Variants in GRIN2A observed in about 807,000 individuals in gnomAD.
The protein encoded by GRIN2A is glutamate ionotropic receptor NMDA type subunit 2A, also known as glutamate receptor ionotropic, NMDA 2A.
Under a neutral mutation model 113.4 loss-of-function variants are expected in GRIN2A, and 22 were observed. The observed-to-expected ratio is 0.19, with a 90% confidence interval of 0.14 to 0.28. The LOEUF (loss-of-function observed/expected upper bound fraction) is 0.28, where lower values mean the gene tolerates loss of function less well. Ranked by LOEUF, GRIN2A falls within the 10% of genes least tolerant of loss-of-function variation. GRIN2A has a pLI of 1.00. For missense variants in GRIN2A, 1,502 were observed against 1,887.0 expected (o/e 0.80, Z 3.78); for synonymous variants, 827 against 738.4 (o/e 1.12, Z -1.94).
At chr16:10,091,008 C>G (rs963105247) in intron 2 of GRIN2A, among the ~76,000 whole-genome samples, 9 of 152,116 alleles carry the variant, frequency 5.9e-5, no homozygotes, top group African/African-American at 2.2e-4. Flanking sequence ...TCCATATACA[C>G]ACTAGAATGA....
At chr16:10,137,701 T>C (rs1070484) in intron 2 of GRIN2A, among the ~76,000 whole-genome samples, 37,788 of 152,160 alleles carry the variant, frequency 0.25, 5,436 homozygotes, top group East Asian at 0.4. Flanking sequence ...CTATTCTGTG[T>C]GAGACACTAT....
chr16:10,023,643 C>T (rs900036199), intron 2 of GRIN2A, among the ~76,000 whole-genome samples: 1 of 152,184 alleles, frequency 6.6e-6, no homozygotes, highest in South Asian at 2.1e-4. Flanking sequence ...TTCCTCTCAT[C>T]TTGGTTCAAT....
At chr16:9,921,983 AATAAT>A (rs1426648460) in intron 3 of GRIN2A, among the ~76,000 whole-genome samples, 124 of 152,366 alleles carry the variant, frequency 8.1e-4, no homozygotes, top group African/African-American at 2.7e-3. Context: ...TGTTACAACT[AATAAT>A]ATATTTTATC....
chr16:9,817,229 C>T (rs140098366), intron 10 of GRIN2A, among the ~76,000 whole-genome samples: 1 of 152,138 alleles, frequency 6.6e-6, no homozygotes, highest in Non-Finnish European at 1.5e-5. Context: ...AGCTCTGTTG[C>T]ACAATGAATA....
intron 2 of GRIN2A, among the ~76,000 whole-genome samples, chr16:10,067,266 A>G (rs923064734): frequency 1.3e-5 from 2 of 152,140 alleles, no homozygotes; most frequent in African/African-American, 4.8e-5. Context: ...CTTTAAATCC[A>G]CATAAAATAC....
Position 9,822,224 on chromosome 16 carries a change from G to A in GRIN2A, c.2168+40C>T, listed in dbSNP as rs200266574. 2.7e-4 allele frequency: 437 copies of A among 1,603,952 alleles called. 1 individual carries two copies. The highest frequency in any genetic ancestry group is 3.5e-4 in the Non-Finnish European group (409 of 1,170,780). On this transcript the variant is annotated intron_variant, in intron 10 of 12. Coordinates refer to ENST00000330684, the MANE Select transcript of GRIN2A (RefSeq NM_001134407.3). ...AGAGTCAATTTCTGTAAGGTTTATC[G>A]CTCGCAGACCTGTGGTGAAAAGGAA...
intron 4 of GRIN2A, among the ~76,000 whole-genome samples, chr16:9,887,432 T>A (rs2043606781): frequency 6.6e-6 from 1 of 152,232 alleles, no homozygotes; most frequent in Non-Finnish European, 1.5e-5. Flanking sequence ...TCACACAATA[T>A]AATCTTTCAT....
Position 9,755,071 on chromosome 16 carries a change from C to T in GRIN2A, c.*8078G>A, listed in dbSNP as rs1482600314. Reference sequence around the variant, plus strand: ...GAATTAACTGGAAGAGGTCATGACCCAGGGCTAATGAAGAATGTTCTAGGA... The same window carrying T: ...GAATTAACTGGAAGAGGTCATGACCTAGGGCTAATGAAGAATGTTCTAGGA... On this transcript the variant is annotated 3_prime_UTR_variant, in exon 13 of 13. Transcript: ENST00000330684. 1.5e-5 allele frequency: 3 copies of T among 199,222 alleles called. No homozygotes were observed. The highest frequency in any genetic ancestry group is 3.1e-5 in the Non-Finnish European group (3 of 96,554). The allele number at this position is 199,222 out of a possible 1,614,324, so 12.3% of individuals were successfully genotyped here. A position where few individuals can be genotyped will look rare whatever the true frequency, so the allele number is the denominator to read the frequency against.
chr16:10,108,936 T>C (rs1346821318), intron 2 of GRIN2A, among the ~76,000 whole-genome samples: 1 of 151,528 alleles, frequency 6.6e-6, no homozygotes, highest in Non-Finnish European at 1.5e-5. Context: ...GAAACATCCT[T>C]TCTGAGAAGA....
intron 2 of GRIN2A, among the ~76,000 whole-genome samples, chr16:10,143,026 AC>A (rs1490708863): frequency 6.6e-6 from 1 of 152,232 alleles, no homozygotes; most frequent in African/African-American, 2.4e-5. Flanking sequence ...AGGATAGATT[AC>A]CTTAATTCTA....
At chr16:10,068,798 G>T (rs184905493) in intron 2 of GRIN2A, among the ~76,000 whole-genome samples, 5 of 152,366 alleles carry the variant, frequency 3.3e-5, no homozygotes, top group Admixed American at 3.3e-4. Context: ...AGGGTGATCA[G>T]GGAATCTGTC....
chr16:9,829,306 T>C, intron 9 of GRIN2A, 117 bp downstream of exon 9: 1 of 691,706 alleles, frequency 1.4e-6, no homozygotes, highest in Non-Finnish European at 2.6e-6. Flanking sequence ...AAAAACCTTC[T>C]GGCTTTTGTG....
chr16:10,134,195 GA>G (rs71402436), intron 2 of GRIN2A, among the ~76,000 whole-genome samples: 8 of 18,248 alleles, frequency 4.4e-4, no homozygotes, highest in African/African-American at 8.2e-4. Context: ...ACTGTTTCCA[GA>G]AAAAAAAAAA....
At chr16:9,898,784 CAG>C (rs1401439664) in intron 3 of GRIN2A, among the ~76,000 whole-genome samples, 7 of 145,274 alleles carry the variant, frequency 4.8e-5, no homozygotes, top group African/African-American at 1.6e-4. Flanking sequence ...TTCATTTTCA[CAG>C]AGTGTTTTTT....
chr16:10,106,212 G>GTTTTTTT (rs71402429), intron 2 of GRIN2A, among the ~76,000 whole-genome samples: 11 of 140,940 alleles, frequency 7.8e-5, no homozygotes, highest in Non-Finnish European at 1.2e-4. Flanking sequence ...TTGGGGAAGT[G>GTTTTTTT]TTTTTTTTTT....
chr16:10,045,412 AT>A (rs35008944), intron 2 of GRIN2A, among the ~76,000 whole-genome samples: 81,146 of 149,482 alleles, frequency 0.54, 22,701 homozygotes, highest in East Asian at 0.94. Context: ...CCTCTTGCAA[AT>A]TTTTTTTTTT....
chr16:10,179,679 G>A lies in GRIN2A; in HGVS notation c.414+319C>T, dbSNP rs80099381. 4.9e-5 allele frequency: 22 copies of A among 449,358 alleles called. 1 individual carries two copies. In the East Asian group the frequency reaches 7.4e-4, roughly 15 times the overall value. The allele number at this position is 449,358 out of a possible 1,614,324, so 27.8% of individuals were successfully genotyped here. A position where few individuals can be genotyped will look rare whatever the true frequency, so the allele number is the denominator to read the frequency against. Reference sequence around the variant, plus strand: ...CCCACCTCTGTGCCCCATGGTACTCGTAAATCTCCAAACATGCCACCACCG... The same window carrying A: ...CCCACCTCTGTGCCCCATGGTACTCATAAATCTCCAAACATGCCACCACCG... On this transcript the variant is annotated intron_variant, in intron 2 of 12. Coordinates refer to ENST00000330684, the MANE Select transcript of GRIN2A (RefSeq NM_001134407.3).
intron 4 of GRIN2A, among the ~76,000 whole-genome samples, chr16:9,874,276 C>T (rs577639190): frequency 5.3e-5 from 8 of 152,250 alleles, no homozygotes; most frequent in South Asian, 4.1e-4. Context: ...ACAAACCATA[C>T]GGTGGAGTAA....
intron 10 of GRIN2A, among the ~76,000 whole-genome samples, chr16:9,815,718 T>G (rs2042174595): frequency 6.6e-6 from 1 of 152,222 alleles, no homozygotes; most frequent in Admixed American, 6.5e-5. Context: ...TGGTTGTTTC[T>G]CAATAACTAA....
Sources: allele counts gnomAD v4.1 joint callset (sites outside exome capture counted in the v4.1 genomes callset), GRCh38; gene constraint gnomAD v4.1.1; transcripts MANE v1.5; gene names NCBI Gene and HGNC (gene_info 2026-07-23, HGNC 2026-07-21).